The following EP400 variants were observed in gnomAD, a reference collection of about 807,000 sequenced individuals.
EP400 encodes E1A binding protein p400.
In EP400, 105 loss-of-function variants were observed where a neutral mutation model predicts 354.1. The ratio of observed to expected loss-of-function variants is 0.30; its 90% confidence interval spans 0.25 to 0.35. EP400 has a LOEUF of 0.35. Ranked by LOEUF, EP400 falls within the 10% of genes least tolerant of loss-of-function variation. The pLI is 1.00. For missense variants in EP400, 3,280 were observed against 4,121.0 expected, an observed-to-expected ratio of 0.80 and a Z score of 5.59; for synonymous variants, 1,646 against 1,716.9, an observed-to-expected ratio of 0.96 and a Z score of 1.02.
In EP400 at chr12:132,078,765, A is replaced by G. The variant is rs988987647; in HGVS notation, c.*1092A>G. The stretch of plus-strand genomic sequence containing the variant: ...TACGACAGCAGATTTTCTCTAGGAT[A>G]AGCTTGTGTGGTTCTGCCAGTGAAG... On this transcript the variant is annotated 3_prime_UTR_variant, in exon 53 of 53. Coordinates refer to ENST00000389561, the MANE Select transcript of EP400 (RefSeq NM_015409.5). 1.3e-5 allele frequency: 2 copies of G among 152,220 alleles called. No individual in the cohort carries two copies. The highest frequency in any genetic ancestry group is 4.8e-5 in the African/African-American group (2 of 41,450). 9.4% of individuals were successfully genotyped at this position (152,220 alleles called of 1,614,324 possible).
intron 2 of EP400, among the ~76,000 whole-genome samples, chr12:131,962,905 C>G (rs369171078): frequency 5.9e-5 from 9 of 152,342 alleles, no homozygotes; most frequent in East Asian, 3.9e-4. Flanking sequence ...AAGCTAGTCT[C>G]TTTGCTCAAG....
intron 15 of EP400, among the ~76,000 whole-genome samples, chr12:132,010,992 A>G (rs1343377987): frequency 6.6e-6 from 1 of 152,206 alleles, no homozygotes; most frequent in East Asian, 1.9e-4. Context: ...GAAACAACAT[A>G]TTTTAGGATG....
At chr12:132,014,757 G>T (rs1030397304) in intron 19 of EP400, among the ~76,000 whole-genome samples, 1 of 152,204 alleles carries the variant, frequency 6.6e-6, no homozygotes, top group Non-Finnish European at 1.5e-5. Flanking sequence ...CCCCAGCCAC[G>T]TGCTGATGTG....
At chr12:132,007,859 A>G (rs1230606780) in intron 15 of EP400, among the ~76,000 whole-genome samples, 1 of 152,190 alleles carries the variant, frequency 6.6e-6, no homozygotes, top group Non-Finnish European at 1.5e-5. Context: ...GTGGAAAGAA[A>G]TGGAACACAG....
rs1389925228 is a variant in EP400, at chr12:132,017,075, C to T, written c.3924-460C>T. 6.6e-6 allele frequency among the ~76,000 whole-genome samples: 1 copy of T among 152,242 alleles called. No homozygotes were observed. Among genetic ancestry groups the T allele is most frequent in the Non-Finnish European group, 1.5e-5 (1 of 68,042 alleles). On this transcript the variant is annotated intron_variant, in intron 19 of 52. Transcript: ENST00000389561. The surrounding 1 kb of genome is among the most constrained non-coding windows in gnomAD (Gnocchi z 5.0). ...CGTTGTAGGTCCTTCTGTCTGCCCC[C>T]TTCACTGGGTGGTAAGCCGCACAGG...
At chr12:132,035,161 A>G (rs929223337) in intron 30 of EP400, among the ~76,000 whole-genome samples, 1 of 152,156 alleles carries the variant, frequency 6.6e-6, no homozygotes, top group Non-Finnish European at 1.5e-5. Context: ...TGGTCTGGAG[A>G]AGGAAGGACC....
intron 1 of EP400, among the ~76,000 whole-genome samples, chr12:131,951,174 C>T (rs987994209): frequency 1.3e-5 from 2 of 149,884 alleles, no homozygotes; most frequent in Admixed American, 6.6e-5. Flanking sequence ...CTTGGCCTCC[C>T]AAAGTGCTGG....
At position 132,014,633 on chromosome 12, in the gene EP400, G is replaced by A. The variant is rs139946490; in HGVS notation, c.3923+720G>A. On this transcript the variant is annotated intron_variant, in intron 19 of 52. Coordinates refer to ENST00000389561, the MANE Select transcript of EP400 (RefSeq NM_015409.5). ...TAGTCATCACACCTCACTCTCTGCTGGGGGTGTGGCCATGAGGCTTTGCTG... is the reference window on the plus strand; with the variant it reads ...TAGTCATCACACCTCACTCTCTGCTAGGGGTGTGGCCATGAGGCTTTGCTG... 4.1e-4 allele frequency among the ~76,000 whole-genome samples: 63 copies of A among 152,306 alleles called. 1 individual carries two copies. Among genetic ancestry groups the A allele is most frequent in the African/African-American group, 1.4e-3 (58 of 41,560 alleles).
In EP400 at chr12:132,075,156, G is replaced by T. The variant is rs78124620; in HGVS notation, c.9022-1360G>T. ...AGGGGATGCTTTCTTTGCAGCCTTT[G>T]GGTACCTTTGTGGGTACAGTGTCTC... is the stretch of plus-strand genomic sequence containing the variant. On this transcript the variant is annotated intron_variant, in intron 51 of 52. Coordinates refer to ENST00000389561, the MANE Select transcript of EP400 (RefSeq NM_015409.5). The surrounding 1 kb of genome is among the most constrained non-coding windows in gnomAD (Gnocchi z 4.5). Among the ~76,000 whole-genome samples, 1 of 151,952 alleles carries T rather than the reference G, an allele frequency of 6.6e-6. No homozygotes were observed. The highest frequency in any genetic ancestry group is 2.4e-5 in the African/African-American group (1 of 41,346).
In EP400 at chr12:132,046,645, C is replaced by T. The variant is rs115386354; in HGVS notation, c.7200+745C>T. Among the ~76,000 whole-genome samples, 987 of 152,322 alleles carry T rather than the reference C, an allele frequency of 6.5e-3. 15 individuals are homozygous for T. Among genetic ancestry groups the T allele is most frequent in the African/African-American group, 0.022 (930 of 41,562 alleles). On this transcript the variant is annotated intron_variant, in intron 39 of 52. Transcript: ENST00000389561. ...TAGCTTGACCCCCGAAGAGTCCAGG[C>T]GGCTGGTCAGTAACATACAGGCATG...
chr12:132,006,084 T>C (rs1305900735), intron 13 of EP400, 28 bp from the exon 14 acceptor site: 65 of 1,593,478 alleles, frequency 4.1e-5, no homozygotes, highest in Non-Finnish European at 5.5e-5. Context: ...TCAGTGGCCC[T>C]CACTTCTCTG....
intron 32 of EP400, among the ~76,000 whole-genome samples, chr12:132,043,054 G>C (rs1301177803): frequency 2.0e-5 from 3 of 152,226 alleles, no homozygotes; most frequent in Non-Finnish European, 2.9e-5. Context: ...GCTCTTCCAT[G>C]GGGCCTGCCT....
chr12:132,057,356 C>T (rs1593379622), intron 45 of EP400, among the ~76,000 whole-genome samples: 1 of 152,228 alleles, frequency 6.6e-6, no homozygotes, highest in Non-Finnish European at 1.5e-5. Flanking sequence ...CCGAGACATA[C>T]ATCTCCATGG....
At chr12:132,028,933 G>C (rs1003482910) in intron 27 of EP400, 1 of 152,672 alleles carries the variant, frequency 6.5e-6, no homozygotes, top group Non-Finnish European at 1.5e-5. Context: ...CAGCTTTCAG[G>C]ATCTACCTAT....
chr12:132,028,150 A>G lies in EP400; in HGVS notation c.5243A>G (p.Gln1748Arg). The G allele has an allele frequency of 6.2e-7, 1 of 1,614,202 alleles. No homozygotes were observed. The highest frequency in any genetic ancestry group is 2.2e-5 in the East Asian group (1 of 44,882). ...ICALPSHGRV[Q>R]WRGSLDGRRG... ...GCCCTGCCTAGCCATGGAAGGGTAC[A>G]GTGGCGTGGGTCCCTGGATGGCCGT... Residue 1748 changes from glutamine to arginine, a missense_variant, in exon 27 of 53, where the codon CAG becomes CGG. Physicochemically the swap from Gln to Arg is conservative, Grantham distance 43 (BLOSUM62 1). This residue lies in a region of EP400 where 459 missense variants were observed against 496.9 expected (regional missense o/e 0.92). Coordinates refer to ENST00000389561, the MANE Select transcript of EP400 (RefSeq NM_015409.5).
chr12:132,015,605 C>A (rs1316597045), intron 19 of EP400, among the ~76,000 whole-genome samples: 1 of 152,152 alleles, frequency 6.6e-6, no homozygotes, highest in Non-Finnish European at 1.5e-5. Context: ...GTGTGAGAGG[C>A]TGGTGGCCCT....
At chr12:132,060,659 T>G (rs144570032) in intron 45 of EP400, among the ~76,000 whole-genome samples, 2,207 of 152,226 alleles carry the variant, frequency 0.014, 51 homozygotes, top group African/African-American at 0.051. Context: ...GGCCCACACC[T>G]ATAATCCCAG....
At chr12:132,022,776 A>G (rs1372426149) in intron 23 of EP400, among the ~76,000 whole-genome samples, 1 of 151,846 alleles carries the variant, frequency 6.6e-6, no homozygotes, top group Non-Finnish European at 1.5e-5. Context: ...TTATGTATCT[A>G]GAGGCATTGC....
intron 45 of EP400, among the ~76,000 whole-genome samples, chr12:132,056,208 A>G (rs1248091705): frequency 1.3e-5 from 2 of 152,092 alleles, no homozygotes; most frequent in African/African-American, 4.8e-5. Flanking sequence ...TAGTTCACAG[A>G]CCCAGGGGCA....
Sources: allele counts gnomAD v4.1 joint callset (sites outside exome capture counted in the v4.1 genomes callset), GRCh38; gene constraint gnomAD v4.1.1; regional missense constraint gnomAD v4.1.1; non-coding constraint Gnocchi (gnomAD v3.1); transcripts MANE v1.5; gene names NCBI Gene and HGNC (gene_info 2026-07-23, HGNC 2026-07-21).